Variants in GYS2 observed in about 807,000 individuals in gnomAD.
The protein encoded by GYS2 is glycogen [starch] synthase, liver.
A neutral mutation model predicts 85.6 loss-of-function variants in GYS2; 80 were observed. That is an observed-to-expected ratio of 0.93 (90% CI 0.78 to 1.13). The LOEUF is 1.13. Among genes scored for constraint, GYS2 ranks in the 50% most tolerant of loss-of-function variants. The probability of loss-of-function intolerance (pLI) is 0.00; values close to 1 mark genes in which losing one functional copy is unlikely to be tolerated. For missense variants in GYS2, 881 were observed against 854.9 expected (o/e 1.03, Z -0.38); for synonymous variants, 328 against 300.7 (o/e 1.09, Z -0.94).
At chr12:21,555,999 G>A (rs1214395954) in intron 11 of GYS2, among the ~76,000 whole-genome samples, 1 of 152,090 alleles carries the variant, frequency 6.6e-6, no homozygotes, top group Non-Finnish European at 1.5e-5. Context: ...ACTTAATGCT[G>A]TATCATGAGG....
intron 4 of GYS2, among the ~76,000 whole-genome samples, chr12:21,569,936 A>G (rs1944366991): frequency 6.6e-6 from 1 of 152,202 alleles, no homozygotes; most frequent in Admixed American, 6.5e-5. Flanking sequence ...TCACATTGCT[A>G]TTAAGAATCT....
At chr12:21,565,431 A>G (rs781718491) in intron 5 of GYS2, among the ~76,000 whole-genome samples, 217 of 118,900 alleles carry the variant, frequency 1.8e-3, no homozygotes, top group Middle Eastern at 4.5e-3. Flanking sequence ...ATATATATAT[A>G]TATGGATGTT....
rs200917760 is a variant in GYS2 at position 21,604,550 on chromosome 12, G to A, written c.43C>T (p.Leu15Phe). 2 of 1,612,558 alleles carry A rather than the reference G, an allele frequency of 1.2e-6. No homozygotes were observed. Among genetic ancestry groups the A allele is most frequent in the Non-Finnish European group, 1.7e-6 (2 of 1,178,784 alleles). ...AGTTCTTCGACTTCCCACTGGGGAA[G>A]CCCACCCAGGGATGTTACAGAGAGG... ...RSLSVTSLGG[L>F]PQWEVEELPV... Residue 15 changes from leucine to phenylalanine, a missense_variant, in exon 1 of 16, where the codon CTT (leucine) becomes TTT (phenylalanine). Leu to Phe is a conservative substitution (Grantham distance 22). Transcript: ENST00000261195.
At chr12:21,549,282 A>T (rs952114128) in intron 11 of GYS2, among the ~76,000 whole-genome samples, 1 of 152,204 alleles carries the variant, frequency 6.6e-6, no homozygotes, top group African/African-American at 2.4e-5. Flanking sequence ...AATAAGTGAC[A>T]TCTGATATAA....
chr12:21,587,629 C>T (rs187467163), intron 1 of GYS2, among the ~76,000 whole-genome samples: 11 of 151,954 alleles, frequency 7.2e-5, no homozygotes, highest in Non-Finnish European at 1.5e-4. Flanking sequence ...GACAATTAAA[C>T]GTTTTTTCCT....
At chr12:21,580,268 G>T in intron 2 of GYS2, 74 bp downstream of exon 2, 1 of 1,274,332 alleles carries the variant, frequency 7.8e-7, no homozygotes, top group Non-Finnish European at 1.1e-6. Flanking sequence ...CTTCTCTTGT[G>T]AGTTCATGTT....
At chr12:21,560,525 A>G (rs774184674) in intron 7 of GYS2, 33 bp from the exon 8 acceptor site, 1 of 1,010,024 alleles carries the variant, frequency 9.9e-7, no homozygotes, top group East Asian at 2.4e-5. Context: ...AGAGTCAACT[A>G]TCAAAGATTT....
At chr12:21,573,305 T>G (rs1469957024) in intron 4 of GYS2, among the ~76,000 whole-genome samples, 2 of 152,160 alleles carry the variant, frequency 1.3e-5, no homozygotes, top group African/African-American at 4.8e-5. Context: ...AAAATCAACT[T>G]TCTAACTTCC....
At chr12:21,539,129 C>T in intron 15 of GYS2, 129 bp downstream of exon 15, 1 of 659,404 alleles carries the variant, frequency 1.5e-6, no homozygotes, top group Non-Finnish European at 2.7e-6. Context: ...TCTCTCTCTC[C>T]TTTGGTTTGA....
At chr12:21,601,019 T>A (rs1944750382) in intron 1 of GYS2, among the ~76,000 whole-genome samples, 1 of 152,150 alleles carries the variant, frequency 6.6e-6, no homozygotes, top group Non-Finnish European at 1.5e-5. Flanking sequence ...ATCGCTCAAG[T>A]CTTTACAATT....
intron 5 of GYS2, among the ~76,000 whole-genome samples, chr12:21,568,262 G>A (rs1326405345): frequency 2.0e-5 from 3 of 152,110 alleles, no homozygotes; most frequent in Non-Finnish European, 4.4e-5. Flanking sequence ...ACAGTGCATT[G>A]AGAGACTCGT....
Position 21,580,395 on chromosome 12 carries a change from C to G in GYS2, c.250G>C (p.Val84Leu). 1 of 1,613,920 alleles carries G rather than the reference C, an allele frequency of 6.2e-7. No homozygotes were observed. The highest frequency in any genetic ancestry group is 8.5e-7 in the Non-Finnish European group (1 of 1,179,850). The change falls in exon 2 of 16, where the codon GTA (valine) becomes CTA (leucine). Residue 84 changes from valine (V) to leucine (L), a missense_variant. Physicochemically the swap from Val to Leu is conservative, Grantham distance 32 (BLOSUM62 1). Transcript: ENST00000261195. ...MKTQVEQCEPVNDAVRRAVDA... is the reference protein window; with the variant it reads ...MKTQVEQCEPLNDAVRRAVDA... ...ACTGCTCTTCTGACAGCATCATTTA[C>G]AGGTTCACACTGTTCCACCTGAGTC...
At chr12:21,588,511 A>C (rs1944598687) in intron 1 of GYS2, among the ~76,000 whole-genome samples, 1 of 152,216 alleles carries the variant, frequency 6.6e-6, no homozygotes, top group African/African-American at 2.4e-5. Flanking sequence ...TCCAAAATGC[A>C]AGCAATTTTC....
chr12:21,563,872 T>C (rs1366613809), intron 5 of GYS2, among the ~76,000 whole-genome samples: 1 of 152,164 alleles, frequency 6.6e-6, no homozygotes, highest in Admixed American at 6.5e-5. Flanking sequence ...CTAAACTACC[T>C]CCTGCCATCT....
chr12:21,547,880 C>CT (rs959271628), intron 11 of GYS2, among the ~76,000 whole-genome samples: 4 of 152,102 alleles, frequency 2.6e-5, no homozygotes, highest in African/African-American at 9.7e-5. Flanking sequence ...GGACACTGTA[C>CT]TTTCTGTTCA....
chr12:21,562,121 C>T (rs937669520), intron 7 of GYS2, among the ~76,000 whole-genome samples: 4 of 152,158 alleles, frequency 2.6e-5, no homozygotes, highest in South Asian at 4.1e-4. Flanking sequence ...TTGTGTTGCT[C>T]GGTTAGTTGA....
intron 2 of GYS2, among the ~76,000 whole-genome samples, chr12:21,576,586 G>T (rs1944449770): frequency 6.6e-6 from 1 of 152,080 alleles, no homozygotes; most frequent in South Asian, 2.1e-4. Flanking sequence ...TCCCAGTATG[G>T]TTGCTGCCAG....
chr12:21,583,395 A>G (rs1465719908), intron 1 of GYS2, among the ~76,000 whole-genome samples: 1 of 152,176 alleles, frequency 6.6e-6, no homozygotes, highest in African/African-American at 2.4e-5. Context: ...GAGGCAACAT[A>G]TTCCTGATTT....
intron 1 of GYS2, among the ~76,000 whole-genome samples, chr12:21,588,960 C>T (rs73087306): frequency 4.5e-4 from 69 of 152,322 alleles, no homozygotes; most frequent in Non-Finnish European, 9.1e-4. Context: ...TCTTCAAAAC[C>T]ACTATCCACA....
Sources: allele counts gnomAD v4.1 joint callset (sites outside exome capture counted in the v4.1 genomes callset), GRCh38; gene constraint gnomAD v4.1.1; transcripts MANE v1.5; gene names NCBI Gene and HGNC (gene_info 2026-07-23, HGNC 2026-07-21).